The following ADARB1 variants were observed in gnomAD, a reference collection of about 807,000 sequenced individuals.
ADARB1 encodes the protein double-stranded RNA-specific editase 1.
Under a neutral mutation model 52.4 loss-of-function variants are expected in ADARB1, and 10 were observed. The ratio of observed to expected loss-of-function variants is 0.19; its 90% CI spans 0.12 to 0.32. The LOEUF is 0.32. ADARB1 is among the 10% of genes least tolerant of loss of function. ADARB1 has a pLI of 1.00. For synonymous variants in ADARB1, 349 were observed against 371.1 expected (o/e 0.94, Z 0.68); for missense variants, 643 against 922.3 (o/e 0.70, Z 3.92).
At chr21:45,123,010 A>G (rs1416508784) in intron 1 of ADARB1, among the ~76,000 whole-genome samples, 1 of 152,054 alleles carries the variant, frequency 6.6e-6, no homozygotes, top group Admixed American at 6.5e-5. Context: ...ACTTGGTCCC[A>G]TTGTTATTGA....
Position 45,176,017 on chromosome 21 carries a change from G to T in ADARB1, c.316G>T (p.Ala106Ser), listed in dbSNP as rs771170713. ...CCTGTCCCAGACTGGGCCCGTGCACGCGCCTTTGTTTGTCATGTCTGTGGA... is the reference window on the plus strand; with the variant it reads ...CCTGTCCCAGACTGGGCCCGTGCACTCGCCTTTGTTTGTCATGTCTGTGGA... ...TLLSQTGPVH[A>S]PLFVMSVEVN... The change falls in exon 4 of 11, where the codon GCG becomes TCG. Residue 106 changes from alanine (A) to serine (S), a missense_variant. Transcript: ENST00000348831. This position sits in a 1 kb window ranked among gnomAD's most constrained non-coding sequence, Gnocchi z 5.8. The T allele has an allele frequency of 1.2e-6, 2 of 1,614,182 alleles. No homozygotes were observed. The highest frequency in any genetic ancestry group is 4.5e-5 in the East Asian group (2 of 44,882).
intron 2 of ADARB1, among the ~76,000 whole-genome samples, chr21:45,165,010 G>C (rs980311084): frequency 2.6e-5 from 4 of 152,176 alleles, no homozygotes; most frequent in African/African-American, 7.2e-5. Context: ...GGTGAACAAG[G>C]AGTTGGCCTT....
At chr21:45,118,365 T>C (rs1043672281) in intron 1 of ADARB1, among the ~76,000 whole-genome samples, 1 of 152,212 alleles carries the variant, frequency 6.6e-6, no homozygotes, top group African/African-American at 2.4e-5. Flanking sequence ...CACTTCCTTA[T>C]AGAATGGATG....
At chr21:45,201,596 C>T (rs1020294577) in intron 8 of ADARB1, among the ~76,000 whole-genome samples, 1 of 152,138 alleles carries the variant, frequency 6.6e-6, no homozygotes, top group Admixed American at 6.6e-5. Flanking sequence ...AGGAATGTGT[C>T]ATAGGAATTG....
intron 1 of ADARB1, among the ~76,000 whole-genome samples, chr21:45,125,946 G>T (rs192394642): frequency 6.6e-6 from 1 of 152,282 alleles, no homozygotes; most frequent in African/African-American, 2.4e-5. Flanking sequence ...TCTAGCTTGA[G>T]CACCGAGCTA....
Position 45,172,506 on chromosome 21 carries a change from C to T in ADARB1, c.28+822C>T, listed in dbSNP as rs991533534. On this transcript the variant is annotated intron_variant, in intron 3 of 10. Transcript: ENST00000348831. The surrounding 1 kb of genome is among the most constrained non-coding windows in gnomAD (Gnocchi z 4.4). ...ACTTAGCACTTTCCCTTTGACTTTA[C>T]GCACAACCGATGATCTGGGGTCTTG... 6.6e-6 allele frequency among the ~76,000 whole-genome samples: 1 copy of T among 152,194 alleles called. No homozygotes were observed. Among genetic ancestry groups the T allele is most frequent in the Admixed American group, 6.5e-5 (1 of 15,286 alleles).
chr21:45,217,454 A>G (rs969284922), intron 9 of ADARB1, among the ~76,000 whole-genome samples: 3 of 152,138 alleles, frequency 2.0e-5, no homozygotes, highest in Admixed American at 6.5e-5. Context: ...ACTACTTCAC[A>G]TATAGTAAAA....
intron 1 of ADARB1, among the ~76,000 whole-genome samples, chr21:45,105,494 G>T (rs1031068363): frequency 1.3e-5 from 2 of 152,188 alleles, no homozygotes; most frequent in Non-Finnish European, 2.9e-5. Flanking sequence ...GAGGTGGAAG[G>T]CTGGTTTCTC....
At chr21:45,131,669 A>G (rs565769831) in intron 2 of ADARB1, among the ~76,000 whole-genome samples, 61 of 152,336 alleles carry the variant, frequency 4.0e-4, no homozygotes, top group African/African-American at 1.1e-3. Context: ...CCGACTGGTC[A>G]GGAACTAAAG....
intron 3 of ADARB1, among the ~76,000 whole-genome samples, chr21:45,174,595 C>T (rs1027171806): frequency 1.3e-5 from 2 of 151,824 alleles, no homozygotes; most frequent in African/African-American, 2.4e-5. Flanking sequence ...CCCAGCTACT[C>T]GGGAGGCTGA....
chr21:45,087,678 G>A (rs1175177311), intron 1 of ADARB1, among the ~76,000 whole-genome samples: 1 of 152,148 alleles, frequency 6.6e-6, no homozygotes, highest in Non-Finnish European at 1.5e-5. Flanking sequence ...TGAAACCACA[G>A]CAATACTTCA....
At chr21:45,180,530 C>A in intron 5 of ADARB1, 86 bp downstream of exon 5, 1 of 1,096,506 alleles carries the variant, frequency 9.1e-7, no homozygotes, top group Non-Finnish European at 1.4e-6. Context: ...AACCACTGTG[C>A]CACACCGACG....
chr21:45,147,192 G>A (rs573353952), intron 2 of ADARB1, among the ~76,000 whole-genome samples: 3 of 152,326 alleles, frequency 2.0e-5, no homozygotes, highest in Admixed American at 1.3e-4. Flanking sequence ...TCACTTGTTT[G>A]ATGCATGGCA....
At chr21:45,100,056 T>C (rs992251920) in intron 1 of ADARB1, among the ~76,000 whole-genome samples, 12 of 152,252 alleles carry the variant, frequency 7.9e-5, no homozygotes, top group Admixed American at 7.2e-4. Context: ...GCTTCTAGTC[T>C]TCCCTTTCCA....
chr21:45,154,708 G>T (rs1333614415), intron 2 of ADARB1, among the ~76,000 whole-genome samples: 1 of 152,162 alleles, frequency 6.6e-6, no homozygotes, highest in Admixed American at 6.5e-5. Flanking sequence ...AGCCTCAGAT[G>T]GGTTAGCTTA....
intron 2 of ADARB1, among the ~76,000 whole-genome samples, chr21:45,166,486 A>G (rs933340362): frequency 6.6e-6 from 1 of 152,126 alleles, no homozygotes; most frequent in Non-Finnish European, 1.5e-5. Context: ...ACCTTTACCA[A>G]ATATTCTGTG....
At position 45,203,817 on chromosome 21, in the gene ADARB1, G is replaced by A. The variant is rs547600050; in HGVS notation, c.1566-738G>A. On this transcript the variant is annotated intron_variant, in intron 8 of 10. Transcript: ENST00000348831. Reference sequence around the variant, plus strand: ...TTTTTTAAGAAGTATAGTGGTCCCCGCTTCTCCGTAGATGTGTCTCAAGAC... The same window carrying A: ...TTTTTTAAGAAGTATAGTGGTCCCCACTTCTCCGTAGATGTGTCTCAAGAC... Among the ~76,000 whole-genome samples the A allele has an allele frequency of 4.6e-5, 7 of 152,294 alleles. No individual in the cohort carries two copies. In the South Asian group the frequency reaches 1.4e-3, roughly 32 times the overall value.
chr21:45,075,346 C>G (rs1418270651), intron 1 of ADARB1, among the ~76,000 whole-genome samples: 1 of 151,740 alleles, frequency 6.6e-6, no homozygotes, highest in Admixed American at 6.6e-5. Context: ...GGACGGCAGG[C>G]TGCGCCCGGG....
chr21:45,087,790 C>T (rs2086405954), intron 1 of ADARB1, among the ~76,000 whole-genome samples: 1 of 152,134 alleles, frequency 6.6e-6, no homozygotes, highest in African/African-American at 2.4e-5. Flanking sequence ...TACAAAGCGG[C>T]AGGGCCACAG....
Sources: allele counts gnomAD v4.1 joint callset (sites outside exome capture counted in the v4.1 genomes callset), GRCh38; gene constraint gnomAD v4.1.1; non-coding constraint Gnocchi (gnomAD v3.1); transcripts MANE v1.5; gene names NCBI Gene and HGNC (gene_info 2026-07-23, HGNC 2026-07-21).